AHCYL2: variants seen among roughly 807,000 people sequenced by gnomAD.
AHCYL2 encodes the protein adenosylhomocysteinase like 2.
A neutral mutation model predicts 81.4 loss-of-function variants in AHCYL2; 28 were observed. The ratio of observed to expected loss-of-function variants is 0.34; its 90% CI spans 0.25 to 0.47. The LOEUF (loss-of-function observed/expected upper bound fraction) is 0.47. AHCYL2 is among the 20% of genes least tolerant of loss of function. The probability of loss-of-function intolerance (pLI) is 1.00; values close to 1 mark genes in which losing one functional copy is unlikely to be tolerated. For missense variants in AHCYL2, 551 were observed against 785.1 expected (o/e 0.70, Z 3.56); for synonymous variants, 272 against 290.2 (o/e 0.94, Z 0.64).
intron 6 of AHCYL2, among the ~76,000 whole-genome samples, chr7:129,401,346 C>CT (rs1001828458): frequency 6.6e-6 from 1 of 150,796 alleles, no homozygotes; most frequent in Non-Finnish European, 1.5e-5. Flanking sequence ...AGTGCCCCCC[C>CT]CCAAAAAAGC....
At chr7:129,295,435 A>G (rs982736978) in intron 1 of AHCYL2, among the ~76,000 whole-genome samples, 5 of 152,220 alleles carry the variant, frequency 3.3e-5, no homozygotes, top group African/African-American at 4.8e-5. Flanking sequence ...AGTCTTCAAC[A>G]AGTTCATAGC....
intron 13 of AHCYL2, 70 bp from the exon 14 acceptor site, chr7:129,424,804 C>A: frequency 6.5e-7 from 1 of 1,546,114 alleles, no homozygotes; most frequent in Non-Finnish European, 8.9e-7. Flanking sequence ...GGTCATGCTT[C>A]TCTTCCCTCA....
chr7:129,363,295 T>C (rs533636670), intron 1 of AHCYL2, among the ~76,000 whole-genome samples: 11 of 152,218 alleles, frequency 7.2e-5, no homozygotes, highest in Non-Finnish European at 1.6e-4. Flanking sequence ...AGTGGAATTA[T>C]ATTGGAAACG....
chr7:129,408,276 G>T (rs1185878496), intron 10 of AHCYL2, among the ~76,000 whole-genome samples: 1 of 152,206 alleles, frequency 6.6e-6, no homozygotes, highest in African/African-American at 2.4e-5. Flanking sequence ...TGGGCCAGGG[G>T]TTACTATAGT....
At chr7:129,239,008 C>A (rs1324951970) in intron 1 of AHCYL2, among the ~76,000 whole-genome samples, 1 of 143,990 alleles carries the variant, frequency 6.9e-6, no homozygotes, top group African/African-American at 2.5e-5. Flanking sequence ...TCTAGAAATT[C>A]ACATTTTTGT....
In AHCYL2 at chr7:129,312,122, G is replaced by A. The variant is rs113998753; in HGVS notation, c.364-67516G>A. Reference sequence around the variant, plus strand: ...TCCCACCTCAGCCTCCTGAGTAGCTGGGACCAGGCTGGAGTGCAGTGGCGT... The same window carrying A: ...TCCCACCTCAGCCTCCTGAGTAGCTAGGACCAGGCTGGAGTGCAGTGGCGT... On this transcript the variant is annotated intron_variant, in intron 1 of 16. Transcript: ENST00000325006. 7.6e-3 allele frequency among the ~76,000 whole-genome samples: 1,156 copies of A among 152,136 alleles called. 15 individuals are homozygous for A. The highest frequency in any genetic ancestry group is 0.026 in the African/African-American group (1,078 of 41,508).
Position 129,428,664 on chromosome 7 carries a change from T to C in AHCYL2, c.*1619T>C, listed in dbSNP as rs1402338703. The stretch of plus-strand genomic sequence containing the variant: ...CCCATCCTGATTCTCTTCTTCTACC[T>C]CTACCCTCTCCAACTTCTCCTGGTC... On this transcript the variant is annotated 3_prime_UTR_variant, in exon 17 of 17. Transcript: ENST00000325006. The C allele has an allele frequency of 6.6e-6, 1 of 152,200 alleles. No homozygotes were observed. The highest frequency in any genetic ancestry group is 1.5e-5 in the Non-Finnish European group (1 of 68,044). 9.4% of individuals were successfully genotyped at this position (152,200 alleles called of 1,614,324 possible).
At chr7:129,314,218 C>T (rs939760038) in intron 1 of AHCYL2, among the ~76,000 whole-genome samples, 4 of 152,148 alleles carry the variant, frequency 2.6e-5, no homozygotes, top group African/African-American at 9.7e-5. Context: ...CCATAAATCT[C>T]CTCTCCTCAA....
At chr7:129,412,786 G>C (rs1796651946) in intron 11 of AHCYL2, among the ~76,000 whole-genome samples, 1 of 152,114 alleles carries the variant, frequency 6.6e-6, no homozygotes, top group Non-Finnish European at 1.5e-5. Context: ...ATCTTTTCAT[G>C]TGTTTATTGG....
At chr7:129,290,745 A>G (rs1195002682) in intron 1 of AHCYL2, among the ~76,000 whole-genome samples, 1 of 151,832 alleles carries the variant, frequency 6.6e-6, no homozygotes, top group Non-Finnish European at 1.5e-5. Flanking sequence ...CCTGGTCAAG[A>G]TGGTGAAACC....
In AHCYL2 at chr7:129,282,866, G is replaced by GA. The variant is rs776948745; in HGVS notation, c.363+57436dup. On this transcript the variant is annotated intron_variant, in intron 1 of 16. Coordinates refer to ENST00000325006, the MANE Select transcript of AHCYL2 (RefSeq NM_015328.4). ...CAAAAACATAGAGAGAAGAGGGGGA[G>GA]AAAAAAAAATATTTGTTAGGTGGGG... Among the ~76,000 whole-genome samples the GA allele has an allele frequency of 2.1e-4, 31 of 151,134 alleles. No individual in the cohort carries two copies. The East Asian group carries it at 4.2e-3, about 21-fold the overall frequency.
At chr7:129,321,305 T>C (rs905300462) in intron 1 of AHCYL2, among the ~76,000 whole-genome samples, 1 of 152,218 alleles carries the variant, frequency 6.6e-6, no homozygotes, top group Non-Finnish European at 1.5e-5. Context: ...TAATTTGTTG[T>C]AGATGTTCTG....
intron 1 of AHCYL2, among the ~76,000 whole-genome samples, chr7:129,282,735 T>C (rs1395721259): frequency 1.3e-5 from 2 of 152,188 alleles, no homozygotes; most frequent in African/African-American, 4.8e-5. Flanking sequence ...TTGTGGATTA[T>C]AAACATTGTG....
chr7:129,412,374 G>T (rs973904018), intron 11 of AHCYL2, among the ~76,000 whole-genome samples: 1 of 148,532 alleles, frequency 6.7e-6, no homozygotes, highest in Non-Finnish European at 1.5e-5. Flanking sequence ...TCCACCTCCC[G>T]TGTGCAAGGG....
intron 1 of AHCYL2, among the ~76,000 whole-genome samples, chr7:129,280,290 C>T (rs1256247518): frequency 6.7e-6 from 1 of 148,380 alleles, no homozygotes; most frequent in East Asian, 2.0e-4. Context: ...CTGCCTCAGC[C>T]TCCCTAGTAG....
chr7:129,399,075 G>A (rs546169507), intron 5 of AHCYL2, among the ~76,000 whole-genome samples: 21 of 148,962 alleles, frequency 1.4e-4, no homozygotes, highest in African/African-American at 5.0e-4. Context: ...CCAGGAGGCG[G>A]AGGCTGCAGT....
intron 1 of AHCYL2, among the ~76,000 whole-genome samples, chr7:129,257,028 C>T (rs1466224236): frequency 6.6e-6 from 1 of 151,812 alleles, no homozygotes; most frequent in Admixed American, 6.6e-5. Context: ...TCAGAGGAGC[C>T]CCTAGAGTTG....
intron 1 of AHCYL2, among the ~76,000 whole-genome samples, chr7:129,272,732 T>A (rs1796063125): frequency 6.6e-6 from 1 of 152,184 alleles, no homozygotes; most frequent in African/African-American, 2.4e-5. Context: ...GAAAAAATGT[T>A]ACCTAGTTTT....
intron 1 of AHCYL2, among the ~76,000 whole-genome samples, chr7:129,354,013 G>A (rs74421648): frequency 6.6e-4 from 101 of 152,226 alleles, no homozygotes; most frequent in East Asian, 2.7e-3. Context: ...TCCAATAGGC[G>A]TAGCAATAAG....
Sources: gnomAD v4.1 joint callset for allele counts (sites outside exome capture counted in the v4.1 genomes callset) on GRCh38, gnomAD v4.1.1 for gene constraint, MANE v1.5 for transcripts, NCBI Gene and HGNC (gene_info 2026-07-23, HGNC 2026-07-21) for gene names.